Variants in DMD observed in about 807,000 individuals in gnomAD.
DMD encodes mutant dystrophin.
DMD carries 63 observed loss-of-function variants against 330.1 expected under a neutral mutation model. The ratio of observed to expected loss-of-function variants is 0.19; its 90% CI spans 0.16 to 0.24. The LOEUF (loss-of-function observed/expected upper bound fraction) is 0.24, where lower values mean the gene tolerates loss of function less well. DMD is among the 10% of genes least tolerant of loss of function. The probability of loss-of-function intolerance (pLI) is 1.00; values close to 1 mark genes in which losing one functional copy is unlikely to be tolerated. For synonymous variants in DMD, 1,223 were observed against 959.8 expected (o/e 1.27, Z -5.07); for missense variants, 3,344 against 2,684.1 (o/e 1.25, Z -5.43).
intron 2 of DMD, among the ~76,000 whole-genome samples, chrX:32,864,171 C>A (rs1281468472): frequency 9.1e-6 from 1 of 109,437 alleles, no homozygotes; most frequent in Non-Finnish European, 1.9e-5. Flanking sequence ...GCGAGTTACA[C>A]ACATCGACTG....
chrX:33,107,463 G>GAA (rs1261089385), intron 1 of DMD, among the ~76,000 whole-genome samples: 41 of 107,878 alleles, frequency 3.8e-4, no homozygotes, highest in African/African-American at 1.3e-3. Flanking sequence ...TAGCAGATAT[G>GAA]AAAAAAAAAT....
Position 32,468,645 on chromosome X carries a change from C to T in DMD, c.3015G>A (p.Glu1005=), listed in dbSNP as rs757378668. 8.3e-7 allele frequency: 1 copy of T among 1,211,506 alleles called. No homozygotes were observed. Among genetic ancestry groups the T allele is most frequent in the East Asian group, 3.0e-5 (1 of 33,822 alleles). The change falls in exon 23 of 79, where the codon GAG becomes GAA. Residue 1005 remains glutamate, a synonymous_variant. Coordinates refer to ENST00000357033, the MANE Select transcript of DMD (RefSeq NM_004006.3). ...TTTCAGAGGGCGCTTTCTTCGACAT[C>T]TCTTTCACAGTGGTGCTGAGATAGT... ...GLYYLSTTVK[E]MSKKAPSEIS...
chrX:31,381,160 T>C (rs1281776030), intron 60 of DMD, among the ~76,000 whole-genome samples: 1 of 111,068 alleles, frequency 9.0e-6, no homozygotes, highest in African/African-American at 3.3e-5. Flanking sequence ...CACTCCTCTT[T>C]CCATTCCTTG....
intron 44 of DMD, among the ~76,000 whole-genome samples, chrX:31,972,520 A>G (rs989906099): frequency 8.0e-5 from 9 of 111,811 alleles, no homozygotes; most frequent in Non-Finnish European, 1.7e-4. Flanking sequence ...AAGAAATTGT[A>G]CAATGACAGA....
At chrX:32,419,722 G>A (rs993489845) in intron 29 of DMD, among the ~76,000 whole-genome samples, 1 of 111,851 alleles carries the variant, frequency 8.9e-6, no homozygotes, top group African/African-American at 3.3e-5. Context: ...AAAACTCTTG[G>A]TGTCATGGTT....
At chrX:32,087,337 G>A (rs1163118641) in intron 44 of DMD, among the ~76,000 whole-genome samples, 1 of 111,550 alleles carries the variant, frequency 9.0e-6, no homozygotes, top group African/African-American at 3.3e-5. Flanking sequence ...AAGTACATGT[G>A]GGAAAATGCT....
intron 4 of DMD, among the ~76,000 whole-genome samples, chrX:32,835,596 T>G (rs1378978660): frequency 1.8e-5 from 2 of 112,147 alleles, no homozygotes; most frequent in African/African-American, 6.5e-5. Context: ...GAATGCAAAT[T>G]GGAACACAGA....
chrX:32,356,220 A>G (rs891812997), intron 37 of DMD, among the ~76,000 whole-genome samples: 3 of 109,543 alleles, frequency 2.7e-5, no homozygotes, highest in Non-Finnish European at 5.7e-5. Context: ...ACATAGAACC[A>G]TATTTTAAGA....
intron 2 of DMD, among the ~76,000 whole-genome samples, chrX:32,926,923 T>C (rs1357728637): frequency 9.0e-6 from 1 of 111,364 alleles, no homozygotes; most frequent in Non-Finnish European, 1.9e-5. Flanking sequence ...TTAATTTAAA[T>C]AAAATAAAAT....
intron 7 of DMD, among the ~76,000 whole-genome samples, chrX:32,761,497 A>G (rs935647530): frequency 6.2e-5 from 7 of 112,412 alleles, no homozygotes; most frequent in African/African-American, 2.3e-4. Flanking sequence ...CACAATGATG[A>G]TGATGATTAT....
At chrX:32,992,796 C>T (rs2093011284) in intron 2 of DMD, among the ~76,000 whole-genome samples, 1 of 106,186 alleles carries the variant, frequency 9.4e-6, no homozygotes, top group Non-Finnish European at 1.9e-5. Flanking sequence ...ATCCCAACTA[C>T]TTGGGAGGCT....
chrX:32,866,706 C>CAT (rs2082506946), intron 2 of DMD, among the ~76,000 whole-genome samples: 1 of 78,108 alleles, frequency 1.3e-5, no homozygotes, highest in Non-Finnish European at 2.3e-5. Flanking sequence ...TTAATATATA[C>CAT]ATACACACAC....
intron 52 of DMD, among the ~76,000 whole-genome samples, chrX:31,679,858 C>G (rs1603445459): frequency 1.8e-5 from 2 of 111,762 alleles, no homozygotes; most frequent in East Asian, 2.8e-4. Flanking sequence ...AAATATGAAT[C>G]ATCTGTTAGA....
At chrX:32,812,234 A>G in intron 6 of DMD, among the ~76,000 whole-genome samples, 1 of 111,259 alleles carries the variant, frequency 9.0e-6, no homozygotes, top group Middle Eastern at 4.6e-3. Flanking sequence ...CTATTAATGG[A>G]CTCCTGTTTA....
intron 2 of DMD, among the ~76,000 whole-genome samples, chrX:32,887,768 AAAAAAAAAC>A (rs1450839286): frequency 6.9e-5 from 7 of 101,921 alleles, no homozygotes; most frequent in African/African-American, 2.2e-4. Flanking sequence ...AAAAAAAAAA[AAAAAAAAAC>A]ATCAACTAAA....
intron 44 of DMD, among the ~76,000 whole-genome samples, chrX:32,194,583 G>A (rs1163893096): frequency 9.0e-6 from 1 of 111,463 alleles, no homozygotes; most frequent in Non-Finnish European, 1.9e-5. Context: ...TCAACTTTTT[G>A]TGAGGTAGTG....
chrX:32,590,144 A>G (rs2054735178), intron 13 of DMD, among the ~76,000 whole-genome samples: 1 of 112,316 alleles, frequency 8.9e-6, no homozygotes, highest in Admixed American at 9.4e-5. Context: ...GTCATCTGAT[A>G]TAAAGTTGGT....
chrX:31,809,287 A>G (rs1290773644), intron 50 of DMD, among the ~76,000 whole-genome samples: 1 of 107,718 alleles, frequency 9.3e-6, no homozygotes, highest in Non-Finnish European at 1.9e-5. Flanking sequence ...GACATGTAAT[A>G]TATATATAAA....
chrX:33,326,985 T>A (rs985241292), intron 1 of DMD, among the ~76,000 whole-genome samples: 1 of 112,080 alleles, frequency 8.9e-6, no homozygotes, highest in Non-Finnish European at 1.9e-5. Context: ...GGTTCCTATG[T>A]GAATAAATTA....
Sources: allele counts gnomAD v4.1 joint callset (sites outside exome capture counted in the v4.1 genomes callset), GRCh38; gene constraint gnomAD v4.1.1; transcripts MANE v1.5; gene names NCBI Gene and HGNC (gene_info 2026-07-23, HGNC 2026-07-21).